Variants in BLVRA observed in about 807,000 individuals in gnomAD.
BLVRA encodes the protein biliverdin reductase A, also known as BVR A.
BLVRA carries 22 observed loss-of-function variants against 32.8 expected under a neutral mutation model. That is an observed-to-expected ratio of 0.67 (90% CI 0.48 to 0.96). The LOEUF (loss-of-function observed/expected upper bound fraction) is 0.96, where lower values mean the gene tolerates loss of function less well. Ranked by LOEUF, BLVRA falls within the 40% of genes least tolerant of loss-of-function variation. The pLI is 0.00. For synonymous variants in BLVRA, 119 were observed against 141.3 expected (o/e 0.84, Z 1.12); for missense variants, 323 against 358.1 (o/e 0.90, Z 0.79).
At position 43,787,560 on chromosome 7, in the gene BLVRA, G is replaced by A. The variant is rs1482909282; in HGVS notation, c.13-344G>A. 6.6e-6 allele frequency among the ~76,000 whole-genome samples: 1 copy of A among 152,170 alleles called. No individual in the cohort carries two copies. The highest frequency in any genetic ancestry group is 1.5e-5 in the Non-Finnish European group (1 of 68,038). ...GACCCAGGGAGGGCAGAAGTACCAGGCCATGGGCTGGGTCTGGGTTAATGG... is the reference window on the plus strand; with the variant it reads ...GACCCAGGGAGGGCAGAAGTACCAGACCATGGGCTGGGTCTGGGTTAATGG... On this transcript the variant is annotated intron_variant, in intron 2 of 7. Transcript: ENST00000265523. This position sits in a 1 kb window ranked among gnomAD's most constrained non-coding sequence, Gnocchi z 4.5.
chr7:43,799,813 C>T (rs574559032), intron 5 of BLVRA, among the ~76,000 whole-genome samples: 159 of 152,120 alleles, frequency 1.0e-3, no homozygotes, highest in Non-Finnish European at 1.9e-3. Context: ...GCACTGCCTC[C>T]TCCTGTCTAG....
At chr7:43,767,449 A>C in intron 1 of BLVRA, 1 of 1,520,384 alleles carries the variant, frequency 6.6e-7, no homozygotes, top group Non-Finnish European at 9.1e-7. Flanking sequence ...AATCTTATAT[A>C]TCTGGAGGCG....
chr7:43,800,284 T>TA, intron 5 of BLVRA, 181 bp from the exon 6 acceptor site: 1 of 629,896 alleles, frequency 1.6e-6, no homozygotes, highest in Non-Finnish European at 2.9e-6. Context: ...GTTGTAAGCT[T>TA]AGAAGTAGCA....
At chr7:43,760,662 T>C (rs2095741203) in intron 1 of BLVRA, among the ~76,000 whole-genome samples, 1 of 152,154 alleles carries the variant, frequency 6.6e-6, no homozygotes, top group Non-Finnish European at 1.5e-5. Flanking sequence ...ATAGTGAAAC[T>C]TTCCATTAAT....
intron 1 of BLVRA, among the ~76,000 whole-genome samples, chr7:43,759,584 A>T (rs1318794995): frequency 6.6e-6 from 1 of 152,228 alleles, no homozygotes; most frequent in East Asian, 1.9e-4. Flanking sequence ...GCCCTGAAGA[A>T]TAAGTGACTT....
chr7:43,778,676 C>A (rs1463201986), intron 2 of BLVRA, among the ~76,000 whole-genome samples: 1 of 152,266 alleles, frequency 6.6e-6, no homozygotes, highest in African/African-American at 2.4e-5. Flanking sequence ...CCACTACTCT[C>A]TTCAAAGCTG....
At chr7:43,779,847 C>T (rs1324634066) in intron 2 of BLVRA, among the ~76,000 whole-genome samples, 1 of 151,814 alleles carries the variant, frequency 6.6e-6, no homozygotes, top group African/African-American at 2.4e-5. Flanking sequence ...CTCTGCTGTT[C>T]CTTACATATA....
rs147649953 is a variant in BLVRA, at chr7:43,799,174, T to C, written c.353-1291T>C. Among the ~76,000 whole-genome samples, 738 of 152,322 alleles carry C rather than the reference T, an allele frequency of 4.8e-3. 4 individuals carry two copies. Among genetic ancestry groups the C allele is most frequent in the Admixed American group, 8.8e-3 (135 of 15,296 alleles). On this transcript the variant is annotated intron_variant, in intron 5 of 7. Transcript: ENST00000265523. ...ACCCCATCCTCCCACACACCTGACA[T>C]TTCTGGAGACTCCTGCGACAGACAT...
chr7:43,785,848 G>A (rs985874535), intron 2 of BLVRA, among the ~76,000 whole-genome samples: 4 of 152,174 alleles, frequency 2.6e-5, no homozygotes, highest in African/African-American at 9.7e-5. Flanking sequence ...GTAGACTGTG[G>A]TAAGTAAAAT....
At position 43,792,710 on chromosome 7, in the gene BLVRA, C is replaced by T; in HGVS notation, c.255-5C>T. ...CTTTCTCTGTATTTGTCTCGTTTAC[C>T]AAAGGCAGTTCCTTAATGCTGGCAA... On this transcript the variant is annotated splice_polypyrimidine_tract_variant and splice_region_variant and intron_variant, in intron 4 of 7. Transcript: ENST00000265523. 2 of 1,613,610 alleles carry T rather than the reference C, an allele frequency of 1.2e-6. No individual in the cohort carries two copies. Among genetic ancestry groups the T allele is most frequent in the Non-Finnish European group, 1.7e-6 (2 of 1,179,624 alleles).
At chr7:43,800,612 A>T in intron 6 of BLVRA, 40 bp downstream of exon 6, 1 of 1,552,416 alleles carries the variant, frequency 6.4e-7, no homozygotes, top group African/African-American at 1.4e-5. Context: ...TGTGAGGTCC[A>T]AAGACCAGCC....
chr7:43,799,675 T>C (rs2095796567), intron 5 of BLVRA, among the ~76,000 whole-genome samples: 1 of 152,084 alleles, frequency 6.6e-6, no homozygotes, highest in African/African-American at 2.4e-5. Flanking sequence ...GGTTTTGCCA[T>C]GTTGCCCAGG....
intron 3 of BLVRA, 141 bp from the exon 4 acceptor site, chr7:43,791,108 T>G: frequency 6.8e-7 from 1 of 1,469,036 alleles, no homozygotes; most frequent in East Asian, 2.3e-5. Flanking sequence ...CAATGGAAAA[T>G]AGCCTGGAAG....
chr7:43,787,786 T>G lies in BLVRA; in HGVS notation c.13-118T>G. Reference sequence around the variant, plus strand: ...CCCATCCTGATGCTGTGGCTTCCTGTGTGTTTTGGGCTGGCTTCCATCTTG... The same window carrying G: ...CCCATCCTGATGCTGTGGCTTCCTGGGTGTTTTGGGCTGGCTTCCATCTTG... On this transcript the variant is annotated intron_variant, in intron 2 of 7. Transcript: ENST00000265523. This position sits in a 1 kb window ranked among gnomAD's most constrained non-coding sequence, Gnocchi z 4.5. 5 of 1,479,046 alleles carry G rather than the reference T, an allele frequency of 3.4e-6. No individual in the cohort carries two copies. The highest frequency in any genetic ancestry group is 3.8e-6 in the Non-Finnish European group (4 of 1,059,482). 91.6% of individuals were successfully genotyped at this position (1,479,046 alleles called of 1,614,324 possible).
At chr7:43,759,137 C>A (rs2095739634) in intron 1 of BLVRA, among the ~76,000 whole-genome samples, 1 of 152,206 alleles carries the variant, frequency 6.6e-6, no homozygotes. Flanking sequence ...ACCGCAGGGC[C>A]GCTAGCTCGG....
intron 2 of BLVRA, among the ~76,000 whole-genome samples, chr7:43,771,571 T>C (rs1257661156): frequency 1.3e-5 from 2 of 152,222 alleles, no homozygotes; most frequent in African/African-American, 2.4e-5. Context: ...TTTTGTTTTT[T>C]CCTTTTGTTT....
chr7:43,774,591 CT>C lies in BLVRA; in HGVS notation c.12+3425del, dbSNP rs2095758545. On this transcript the variant is annotated intron_variant, in intron 2 of 7. Coordinates refer to ENST00000265523, the MANE Select transcript of BLVRA (RefSeq NM_000712.4). ...GTAGTGTGATGCCTCCGGCTTTGTT[CT>C]TTTGGCTTAGGATTGACTTGGCAAT... Among the ~76,000 whole-genome samples, 3 of 152,288 alleles carry C rather than the reference CT, an allele frequency of 2.0e-5. No homozygotes were observed. In the South Asian group the frequency reaches 6.2e-4, roughly 32 times the overall value.
intron 1 of BLVRA, among the ~76,000 whole-genome samples, chr7:43,770,154 A>AGG (rs2095752901): frequency 6.6e-6 from 1 of 152,100 alleles, no homozygotes; most frequent in African/African-American, 2.4e-5. Context: ...GCAAGCTAGG[A>AGG]GTGGTCATCG....
In BLVRA at chr7:43,803,710, T is replaced by C. The variant is rs1326522691; in HGVS notation, c.495T>C (p.Pro165=). 2 of 1,608,366 alleles carry C rather than the reference T, an allele frequency of 1.2e-6. No homozygotes were observed. Among genetic ancestry groups the C allele is most frequent in the South Asian group, 2.2e-5 (2 of 90,990 alleles). ...TGGAAGAAGAGCGGTTTGGCTTCCC[T>C]GCATTCAGCGGCATCTCTCGCCTGA... ...GPLEEERFGF[P]AFSGISRLTW... Residue 165 remains proline, a synonymous_variant, in exon 7 of 8, where the codon CCT becomes CCC. Transcript: ENST00000265523.
Sources: allele counts gnomAD v4.1 joint callset (sites outside exome capture counted in the v4.1 genomes callset), GRCh38; gene constraint gnomAD v4.1.1; non-coding constraint Gnocchi (gnomAD v3.1); transcripts MANE v1.5; gene names NCBI Gene and HGNC (gene_info 2026-07-23, HGNC 2026-07-21).